SEPTIN8: variants seen among roughly 807,000 people sequenced by gnomAD.
SEPTIN8 encodes septin 8, also known as septin-8.
Under a neutral mutation model 53.1 loss-of-function variants are expected in SEPTIN8, and 22 were observed. That is an observed-to-expected ratio of 0.41 (90% CI 0.30 to 0.59). The LOEUF is 0.59. Among genes scored for constraint, SEPTIN8 ranks in the 20% least tolerant of loss-of-function variants. The pLI is 0.24. For missense variants in SEPTIN8, 536 were observed against 638.7 expected, an observed-to-expected ratio of 0.84 and a Z score of 1.73; for synonymous variants, 228 against 248.4, an observed-to-expected ratio of 0.92 and a Z score of 0.77.
Position 132,761,592 on chromosome 5 carries a change from C to T in SEPTIN8, c.828G>A (p.Leu276=), listed in dbSNP as rs1186068116. ...TGTTCACCCGGATCAACATCTCCCG[C>T]AGCTTCACGAAGTCGCAGTGATTCT... The part of the protein sequence containing the change: ...ENENHCDFVK[L]REMLIRVNME... The change falls in exon 7 of 10, where the codon CTG becomes CTA. Residue 276 remains leucine (L), a synonymous_variant. Transcript: ENST00000378719. This position sits in a 1 kb window ranked among gnomAD's most constrained non-coding sequence, Gnocchi z 5.8. The T allele has an allele frequency of 6.2e-7, 1 of 1,614,064 alleles. No individual in the cohort carries two copies. The highest frequency in any genetic ancestry group is 8.5e-7 in the Non-Finnish European group (1 of 1,180,014).
intron 9 of SEPTIN8, chr5:132,754,440 G>A (rs1029204383): frequency 1.4e-6 from 1 of 717,344 alleles, no homozygotes; most frequent in African/African-American, 1.7e-5. Flanking sequence ...GGCTTTAGGG[G>A]AACTGCTGGA....
intron 1 of SEPTIN8, among the ~76,000 whole-genome samples, chr5:132,771,275 C>G (rs925958090): frequency 6.6e-6 from 1 of 152,188 alleles, no homozygotes; most frequent in Admixed American, 6.5e-5. Context: ...TACTGAATCT[C>G]TAAACCAACA....
intron 3 of SEPTIN8, 91 bp downstream of exon 3, chr5:132,764,133 C>G: frequency 7.4e-7 from 1 of 1,356,232 alleles, no homozygotes; most frequent in East Asian, 2.3e-5. Context: ...CTCCCTGGCC[C>G]CCTGCAGTGT....
In SEPTIN8 at chr5:132,777,100, G is replaced by T. The variant is rs1185796002; in HGVS notation, c.30+8C>A. 2 of 1,151,878 alleles carry T rather than the reference G, an allele frequency of 1.7e-6. No individual in the cohort carries two copies. Among genetic ancestry groups the T allele is most frequent in the Non-Finnish European group, 2.1e-6 (2 of 937,278 alleles). 71.4% of individuals were successfully genotyped at this position (1,151,878 alleles called of 1,614,324 possible). On this transcript the variant is annotated splice_region_variant and intron_variant, in intron 1 of 9. Coordinates refer to ENST00000378719, the MANE Select transcript of SEPTIN8 (RefSeq NM_001098811.2). The surrounding 1 kb of genome is among the most constrained non-coding windows in gnomAD (Gnocchi z 4.1). The stretch of plus-strand genomic sequence containing the variant: ...CCCGCGCGCGCCGTGGCCCAGCGGG[G>T]CCCTCACCGAGAAGCGCTCCAGGTC...
upstream of SEPTIN8, chr5:132,777,478 G>A (rs1757917760): frequency 1.0e-6 from 1 of 977,128 alleles, no homozygotes; most frequent in Non-Finnish European, 1.2e-6. The surrounding 1 kb of genome is among the most constrained non-coding windows in gnomAD (Gnocchi z 4.1). Context: ...CAGTGTCGGG[G>A]GGCTCGGGGC....
chr5:132,779,859 C>CAT (rs1020882525), upstream of SEPTIN8, among the ~76,000 whole-genome samples: 7 of 151,904 alleles, frequency 4.6e-5, no homozygotes, highest in African/African-American at 1.4e-4. Context: ...GTATCACAGA[C>CAT]GACATTTCTG....
chr5:132,757,816 C>T (rs905245009), intron 9 of SEPTIN8: 13 of 985,286 alleles, frequency 1.3e-5, no homozygotes, highest in African/African-American at 1.0e-4. Flanking sequence ...GCTCCTTTGC[C>T]GCTCATTTTT....
intron 4 of SEPTIN8, among the ~76,000 whole-genome samples, chr5:132,763,025 C>T (rs1756158293): frequency 6.6e-6 from 1 of 152,180 alleles, no homozygotes; most frequent in African/African-American, 2.4e-5. Context: ...AAGGACCCAT[C>T]AGCAGTAGCC....
chr5:132,757,345 G>A (rs256871), intron 9 of SEPTIN8: 136,356 of 985,116 alleles, frequency 0.14, 12,807 homozygotes, highest in East Asian at 0.73. Context: ...GCCGTGCCTC[G>A]GTGGACACAC....
intron 9 of SEPTIN8, chr5:132,756,393 T>C (rs1397348770): frequency 1.0e-6 from 1 of 985,104 alleles, no homozygotes; most frequent in Admixed American, 6.1e-5. Flanking sequence ...TATATGGTGA[T>C]TCTTCTACCT....
rs1268537779 is a variant in SEPTIN8, at chr5:132,761,234, C to A, written c.994G>T (p.Glu332Ter). ...TTCCTCTGCAGCTCACTTAGGAACT[C>A]CTTCCTCTTGGCCTCGTATGTCTCT... The part of the protein sequence containing the change: ...LQETYEAKRK[E>*]FLSELQRKEE... The change falls in exon 8 of 10, where the codon GAG becomes TAG. Residue 332 changes from glutamate to a stop codon, truncating the protein, a stop_gained. Transcript: ENST00000378719. LOFTEE classifies it high-confidence loss of function. The surrounding 1 kb of genome is among the most constrained non-coding windows in gnomAD (Gnocchi z 5.8). 6.2e-7 allele frequency: 1 copy of A among 1,614,052 alleles called. No individual in the cohort carries two copies. Among genetic ancestry groups the A allele is most frequent in the African/African-American group, 1.3e-5 (1 of 74,942 alleles).
chr5:132,768,721 A>G (rs1561765545), intron 1 of SEPTIN8, among the ~76,000 whole-genome samples: 1 of 152,174 alleles, frequency 6.6e-6, no homozygotes, highest in Non-Finnish European at 1.5e-5. Flanking sequence ...AGTACAGGCA[A>G]GTGACGCAGG....
intron 9 of SEPTIN8, chr5:132,758,767 A>G (rs1581144542): frequency 1.2e-6 from 2 of 1,614,180 alleles, no homozygotes; most frequent in East Asian, 2.2e-5. Flanking sequence ...AACTCAAGCA[A>G]CTTAACACAT....
intron 1 of SEPTIN8, among the ~76,000 whole-genome samples, chr5:132,770,117 A>G (rs1230434382): frequency 1.4e-4 from 13 of 91,302 alleles, no homozygotes; most frequent in Admixed American, 4.7e-4. Flanking sequence ...ATGTATATAT[A>G]TATATATGTA....
intron 9 of SEPTIN8, chr5:132,758,548 C>G: frequency 6.2e-7 from 1 of 1,613,476 alleles, no homozygotes; most frequent in South Asian, 1.1e-5. Context: ...GGAAGACCAG[C>G]CACTGGCTCT....
rs1247303363 is a variant in SEPTIN8, at chr5:132,770,014, TATATATATAC to T, written c.31-4495_31-4486del. 9.4e-3 allele frequency among the ~76,000 whole-genome samples: 529 copies of T among 56,196 alleles called. 14 individuals are homozygous for T. Among genetic ancestry groups the T allele is most frequent in the South Asian group, 0.026 (36 of 1,404 alleles). The allele number at this position is 56,196 out of a possible 152,430, so 36.9% of individuals were successfully genotyped here. A position where few individuals can be genotyped will look rare whatever the true frequency, so the allele number is the denominator to read the frequency against. The stretch of plus-strand genomic sequence containing the variant: ...ATATATATATATATATATATATATA[TATATATATAC>T]ACACACATATATATATATGTGTGTG... On this transcript the variant is annotated intron_variant, in intron 1 of 9. Transcript: ENST00000378719.
Position 132,761,578 on chromosome 5 carries a change from A to C in SEPTIN8, c.842T>G (p.Ile281Ser), listed in dbSNP as rs1218749110. The C allele has an allele frequency of 1.2e-6, 2 of 1,613,976 alleles. No homozygotes were observed. The change falls in exon 7 of 10, where the codon ATC becomes AGC. Residue 281 changes from isoleucine (I) to serine (S), a missense_variant. By Grantham distance (142) the Ile-to-Ser change is moderately radical. This residue lies in a region of SEPTIN8 where 395 missense variants were observed against 451.8 expected (regional missense o/e 0.87). Transcript: ENST00000378719. This position sits in a 1 kb window ranked among gnomAD's most constrained non-coding sequence, Gnocchi z 5.8. ...GCGGAGGTCTTCCATGTTCACCCGG[A>C]TCAACATCTCCCGCAGCTTCACGAA... ...CDFVKLREML[I>S]RVNMEDLREQ...
At chr5:132,770,109 GTATA>G (rs376943829) in intron 1 of SEPTIN8, among the ~76,000 whole-genome samples, 10 of 80,800 alleles carry the variant, frequency 1.2e-4, no homozygotes, top group Non-Finnish European at 1.7e-4. Context: ...ATGTATATAT[GTATA>G]TATATATATA....
chr5:132,763,930 A>G, intron 3 of SEPTIN8, 38 bp from the exon 4 acceptor site: 1 of 1,518,832 alleles, frequency 6.6e-7, no homozygotes, highest in South Asian at 1.3e-5. Flanking sequence ...CTGCCAGCTG[A>G]GATCAGGGGC....
Sources: allele counts gnomAD v4.1 joint callset (sites outside exome capture counted in the v4.1 genomes callset), GRCh38; gene constraint gnomAD v4.1.1; regional missense constraint gnomAD v4.1.1; non-coding constraint Gnocchi (gnomAD v3.1); transcripts MANE v1.5; gene names NCBI Gene and HGNC (gene_info 2026-07-23, HGNC 2026-07-21).